The following PPFIA2 variants were observed in gnomAD, a reference collection of about 807,000 sequenced individuals.
The protein encoded by PPFIA2 is PPFI scaffold protein A2, also known as liprin-alpha-2.
PPFIA2 carries 46 observed loss-of-function variants against 175.5 expected under a neutral mutation model. That is an observed-to-expected ratio of 0.26 (90% CI 0.21 to 0.34). PPFIA2 has a LOEUF of 0.34. Ranked by LOEUF, PPFIA2 falls within the 10% of genes least tolerant of loss-of-function variation. The pLI is 1.00. For synonymous variants in PPFIA2, 568 were observed against 511.4 expected (o/e 1.11, Z -1.49); for missense variants, 1,179 against 1,506.1 (o/e 0.78, Z 3.60).
At chr12:81,714,032 T>A (rs1169254432) in intron 3 of PPFIA2, among the ~76,000 whole-genome samples, 1 of 151,082 alleles carries the variant, frequency 6.6e-6, no homozygotes, top group Non-Finnish European at 1.5e-5. Context: ...TCTGTGAAGA[T>A]CACTGGAAGA....
intron 5 of PPFIA2, among the ~76,000 whole-genome samples, chr12:81,454,989 C>T (rs1423893055): frequency 6.6e-6 from 1 of 152,176 alleles, no homozygotes; most frequent in Non-Finnish European, 1.5e-5. Flanking sequence ...GCTGAGGTTA[C>T]AGGCATGTGC....
intron 4 of PPFIA2, among the ~76,000 whole-genome samples, chr12:81,674,483 C>T (rs1450882854): frequency 6.6e-6 from 1 of 151,942 alleles, no homozygotes; most frequent in African/African-American, 2.4e-5. Flanking sequence ...GCCTGACCAA[C>T]ACGGTGAAAC....
At chr12:81,678,679 A>G (rs746595570) in intron 3 of PPFIA2, among the ~76,000 whole-genome samples, 1 of 151,886 alleles carries the variant, frequency 6.6e-6, no homozygotes, top group Non-Finnish European at 1.5e-5. Flanking sequence ...ATTGCTTCAA[A>G]TATTGTAGGG....
intron 4 of PPFIA2, among the ~76,000 whole-genome samples, chr12:81,490,787 C>T (rs1425643924): frequency 6.6e-6 from 1 of 151,894 alleles, no homozygotes; most frequent in Non-Finnish European, 1.5e-5. Flanking sequence ...GCTGTTTATG[C>T]CACTTAGGCA....
intron 9 of PPFIA2, among the ~76,000 whole-genome samples, chr12:81,381,566 C>A (rs1339804813): frequency 6.6e-6 from 1 of 151,980 alleles, no homozygotes; most frequent in African/African-American, 2.4e-5. Context: ...AACAACAGAC[C>A]AAGAAGTGAG....
chr12:81,508,277 T>G (rs2061395400), intron 4 of PPFIA2, among the ~76,000 whole-genome samples: 1 of 152,172 alleles, frequency 6.6e-6, no homozygotes, highest in South Asian at 2.1e-4. Flanking sequence ...ATCCCAGCAC[T>G]TTGGGAGGCC....
chr12:81,664,133 G>A (rs923970855), intron 4 of PPFIA2, among the ~76,000 whole-genome samples: 60 of 152,228 alleles, frequency 3.9e-4, no homozygotes, highest in Middle Eastern at 3.4e-3. Context: ...GCATGGGCAA[G>A]GACTTCATGT....
In PPFIA2 at chr12:81,745,109, A is replaced by T. The variant is rs532042691; in HGVS notation, c.249+8864T>A. Reference sequence around the variant, plus strand: ...AAACAAAATTTCAGACAGCCGTCCTAGCTTCTCTAGCATGATTAGACAATA... The same window carrying T: ...AAACAAAATTTCAGACAGCCGTCCTTGCTTCTCTAGCATGATTAGACAATA... On this transcript the variant is annotated intron_variant, in intron 3 of 32. Coordinates refer to ENST00000549396, the MANE Select transcript of PPFIA2 (RefSeq NM_003625.5). 2.0e-5 allele frequency among the ~76,000 whole-genome samples: 3 copies of T among 152,348 alleles called. No individual in the cohort carries two copies. The South Asian group carries it at 6.2e-4, about 32-fold the overall frequency.
At chr12:81,490,953 T>G (rs1026407982) in intron 4 of PPFIA2, among the ~76,000 whole-genome samples, 1 of 151,994 alleles carries the variant, frequency 6.6e-6, no homozygotes, top group East Asian at 1.9e-4. Context: ...CCTCTAACTT[T>G]ACTTTTGGCC....
At chr12:81,475,776 G>T (rs1181725539) in intron 4 of PPFIA2, among the ~76,000 whole-genome samples, 2 of 152,130 alleles carry the variant, frequency 1.3e-5, no homozygotes, top group African/African-American at 2.4e-5. Flanking sequence ...GTAGTGGCGC[G>T]ATCTCGGCTC....
chr12:81,648,105 G>A (rs1168626846), intron 4 of PPFIA2, among the ~76,000 whole-genome samples: 1 of 150,830 alleles, frequency 6.6e-6, no homozygotes, highest in Non-Finnish European at 1.5e-5. Flanking sequence ...TTTAGTAAAG[G>A]AGTAAGGTTA....
At chr12:81,464,297 C>T (rs1313343809) in intron 4 of PPFIA2, among the ~76,000 whole-genome samples, 2 of 152,036 alleles carry the variant, frequency 1.3e-5, no homozygotes, top group Non-Finnish European at 2.9e-5. Context: ...TCTATTATGT[C>T]GTTTAATCAT....
chr12:81,498,800 T>C (rs2060287417), intron 4 of PPFIA2, among the ~76,000 whole-genome samples: 1 of 152,094 alleles, frequency 6.6e-6, no homozygotes, highest in Non-Finnish European at 1.5e-5. Flanking sequence ...AATTTTTGTA[T>C]ATTTTGTAGA....
chr12:81,508,786 C>T (rs2061474062), intron 4 of PPFIA2, among the ~76,000 whole-genome samples: 1 of 125,282 alleles, frequency 8.0e-6, no homozygotes, highest in Admixed American at 9.1e-5. Flanking sequence ...CACAACAGTC[C>T]CCAGAGTGTG....
chr12:81,317,931 G>A (rs1469361098), intron 22 of PPFIA2, among the ~76,000 whole-genome samples: 3 of 151,584 alleles, frequency 2.0e-5, no homozygotes, highest in African/African-American at 7.3e-5. Flanking sequence ...ATGTACATAT[G>A]CCTGTCAGGT....
At chr12:81,291,927 C>A (rs1464879498) in intron 24 of PPFIA2, among the ~76,000 whole-genome samples, 3 of 152,014 alleles carry the variant, frequency 2.0e-5, no homozygotes, top group Non-Finnish European at 4.4e-5. Flanking sequence ...ATAAAGCCTT[C>A]GAGGTGAACT....
intron 22 of PPFIA2, among the ~76,000 whole-genome samples, chr12:81,309,819 A>G (rs1227423638): frequency 6.6e-6 from 1 of 152,152 alleles, no homozygotes; most frequent in East Asian, 1.9e-4. Context: ...TGTATTTTGA[A>G]TTTAAATATT....
chr12:81,698,927 A>C (rs7963829), intron 3 of PPFIA2, among the ~76,000 whole-genome samples: 77,463 of 151,934 alleles, frequency 0.51, 21,146 homozygotes, highest in Middle Eastern at 0.7. Flanking sequence ...CATTTTAGCA[A>C]AACAGACTTT....
At chr12:81,626,157 C>A (rs374293767) in intron 4 of PPFIA2, among the ~76,000 whole-genome samples, 2 of 150,940 alleles carry the variant, frequency 1.3e-5, no homozygotes, top group Admixed American at 6.6e-5. Context: ...ATTAACTTTA[C>A]GTATATTTCC....
Sources: allele counts gnomAD v4.1 joint callset (sites outside exome capture counted in the v4.1 genomes callset), GRCh38; gene constraint gnomAD v4.1.1; transcripts MANE v1.5; gene names NCBI Gene and HGNC (gene_info 2026-07-23, HGNC 2026-07-21).